The following RRM2 variants were observed in gnomAD, a reference collection of about 807,000 sequenced individuals.
RRM2 encodes the protein ribonucleoside-diphosphate reductase subunit M2.
In RRM2, 6 loss-of-function variants were observed where a neutral mutation model predicts 45.9. The observed-to-expected ratio is 0.13, with a 90% CI of 0.07 to 0.26. The LOEUF (loss-of-function observed/expected upper bound fraction) is 0.26, where lower values mean the gene tolerates loss of function less well. Among genes scored for constraint, RRM2 ranks in the 10% least tolerant of loss-of-function variants. The pLI, the probability that RRM2 is intolerant of heterozygous loss-of-function variation, is 1.00. For missense variants in RRM2, 343 were observed against 489.5 expected, an observed-to-expected ratio of 0.70 and a Z score of 2.82; for synonymous variants, 177 against 173.0, an observed-to-expected ratio of 1.02 and a Z score of -0.18.
At chr2:10,187,139 G>A (rs1446621818) in intron 3 of RRM2, among the ~76,000 whole-genome samples, 1 of 152,200 alleles carries the variant, frequency 6.6e-6, no homozygotes, top group African/African-American at 2.4e-5. Context: ...AGGGCTCTCA[G>A]ACAAGGAATG....
At position 10,158,996 on chromosome 2, in the gene RRM2, C is replaced by T. The variant is rs528826321; in HGVS notation, n.482+16621C>T. 3.1e-4 allele frequency among the ~76,000 whole-genome samples: 47 copies of T among 152,316 alleles called. No homozygotes were observed. In the East Asian group the frequency reaches 3.7e-3, roughly 12 times the overall value. On this transcript the variant is annotated intron_variant and non_coding_transcript_variant, in intron 3 of 3. Coordinates refer to the RRM2 transcript ENST00000381786. ...GTGCCGCGGGGCTGGCCCAGATCAT[C>T]GGTCCTTTGGACGTCTTCTTCCATA...
intron 5 of RRM2, 61 bp from the exon 6 acceptor site, chr2:10,126,814 T>G: frequency 2.4e-6 from 3 of 1,263,078 alleles, no homozygotes; most frequent in Non-Finnish European, 3.4e-6. Flanking sequence ...TATCTAGCAG[T>G]TGGTAATCGG....
intron 3 of RRM2, among the ~76,000 whole-genome samples, chr2:10,143,913 G>T (rs1284770673): frequency 6.6e-6 from 1 of 152,166 alleles, no homozygotes; most frequent in Non-Finnish European, 1.5e-5. Context: ...TGATCCGCCC[G>T]CCTTGGCCTC....
At chr2:10,209,999 C>T (rs900170597) in intron 3 of RRM2, among the ~76,000 whole-genome samples, 1 of 152,198 alleles carries the variant, frequency 6.6e-6, no homozygotes, top group South Asian at 2.1e-4. Context: ...GCTCCTGCTG[C>T]CCAGCAGCCT....
downstream of RRM2, among the ~76,000 whole-genome samples, chr2:10,132,734 A>G (rs75837131): frequency 0.027 from 4,097 of 152,284 alleles, 203 homozygotes; most frequent in African/African-American, 0.094. Flanking sequence ...GTGTTCAGTT[A>G]AGGTCATTTG....
chr2:10,139,205 G>T (rs924587756), upstream of RRM2, among the ~76,000 whole-genome samples: 5 of 152,150 alleles, frequency 3.3e-5, no homozygotes, highest in Admixed American at 6.5e-5. Context: ...AAGAAAGCTC[G>T]TGTCCCTTAG....
chr2:10,142,793 G>A (rs181862388), intron 3 of RRM2, among the ~76,000 whole-genome samples: 6 of 152,296 alleles, frequency 3.9e-5, no homozygotes, highest in Non-Finnish European at 5.9e-5. Context: ...CGCAGCTCTC[G>A]GCCCTGCCTG....
chr2:10,177,462 A>G (rs1231124420), intron 3 of RRM2, among the ~76,000 whole-genome samples: 1 of 152,188 alleles, frequency 6.6e-6, no homozygotes, highest in African/African-American at 2.4e-5. Flanking sequence ...CTCCTGTGGT[A>G]ACATCTTGTG....
chr2:10,124,877 T>G (rs899819685), intron 5 of RRM2, 27 bp downstream of exon 5: 7 of 1,574,450 alleles, frequency 4.4e-6, no homozygotes, highest in Admixed American at 3.6e-5. Flanking sequence ...TATGCCAAGA[T>G]TTTTAGGACT....
At chr2:10,131,707 C>T (rs566052230), downstream of RRM2, among the ~76,000 whole-genome samples, 25 of 152,274 alleles carry the variant, frequency 1.6e-4, no homozygotes, top group Non-Finnish European at 2.4e-4. Context: ...CCGCTGCACT[C>T]CAGCCTGGGC....
At chr2:10,124,073 G>T in intron 4 of RRM2, 1 of 518,138 alleles carries the variant, frequency 1.9e-6, no homozygotes, top group South Asian at 2.2e-5. Context: ...TGGTAGCAAT[G>T]TGATGACTCT....
At chr2:10,155,760 C>T (rs1663409342) in intron 3 of RRM2, 1 of 152,242 alleles carries the variant, frequency 6.6e-6, no homozygotes, top group Non-Finnish European at 1.5e-5. Context: ...AGCTGGATTT[C>T]CTCCAGAACA....
At chr2:10,181,044 G>T (rs897145348) in intron 3 of RRM2, among the ~76,000 whole-genome samples, 5 of 152,174 alleles carry the variant, frequency 3.3e-5, no homozygotes, top group African/African-American at 1.2e-4. Flanking sequence ...TGGGATTACA[G>T]GTGTGAGCCA....
intron 3 of RRM2, among the ~76,000 whole-genome samples, chr2:10,156,588 T>C (rs1489847388): frequency 2.0e-5 from 3 of 152,232 alleles, no homozygotes; most frequent in Non-Finnish European, 4.4e-5. Flanking sequence ...GCCATGTTCA[T>C]TATTCTTTCA....
At chr2:10,182,469 T>C (rs867464302) in intron 3 of RRM2, among the ~76,000 whole-genome samples, 2 of 152,244 alleles carry the variant, frequency 1.3e-5, no homozygotes, top group African/African-American at 4.8e-5. Context: ...GAGTTTGTGG[T>C]AATTTGTCAC....
intron 3 of RRM2, among the ~76,000 whole-genome samples, chr2:10,203,100 G>C (rs546957465): frequency 6.6e-6 from 1 of 152,334 alleles, no homozygotes; most frequent in East Asian, 1.9e-4. Flanking sequence ...TTCTCCCCTG[G>C]AAATATCAGC....
At chr2:10,140,204 A>G (rs1464730358), upstream of RRM2, among the ~76,000 whole-genome samples, 1 of 152,070 alleles carries the variant, frequency 6.6e-6, no homozygotes, top group Non-Finnish European at 1.5e-5. Context: ...CCGAGATTGC[A>G]CCACTGCACT....
Position 10,193,452 on chromosome 2 carries a change from A to G in RRM2, n.483-16859A>G, listed in dbSNP as rs147441759. Among the ~76,000 whole-genome samples the G allele has an allele frequency of 4.0e-3, 605 of 152,292 alleles. 2 individuals are homozygous for G. The highest frequency in any genetic ancestry group is 0.014 in the African/African-American group (567 of 41,558). On this transcript the variant is annotated intron_variant and non_coding_transcript_variant, in intron 3 of 3. Transcript: ENST00000381786. ...CACGGGGCTGGGTGCCGGGTGCCTC[A>G]GTGTCCCCCACTGTCCCTCCATTCT...
intron 3 of RRM2, among the ~76,000 whole-genome samples, chr2:10,147,579 A>G (rs1215104204): frequency 6.6e-6 from 1 of 152,196 alleles, no homozygotes; most frequent in Admixed American, 6.5e-5. Context: ...TAAGTTTCTC[A>G]AACTCCTGGG....
Sources: gnomAD v4.1 joint callset for allele counts (sites outside exome capture counted in the v4.1 genomes callset) on GRCh38, gnomAD v4.1.1 for gene constraint, MANE v1.5 for transcripts, NCBI Gene and HGNC (gene_info 2026-07-23, HGNC 2026-07-21) for gene names.